HMGCL: variants seen among roughly 807,000 people sequenced by gnomAD.
The protein encoded by HMGCL is hydroxymethylglutaryl-CoA lyase, mitochondrial.
HMGCL carries 26 observed loss-of-function variants against 37.3 expected under a neutral mutation model. The ratio of observed to expected loss-of-function variants is 0.70; its 90% confidence interval spans 0.51 to 0.97. The LOEUF (loss-of-function observed/expected upper bound fraction) is 0.97, where lower values mean the gene tolerates loss of function less well. HMGCL is among the 50% of genes least tolerant of loss of function. The pLI is 0.00. For synonymous variants in HMGCL, 151 were observed against 148.0 expected (o/e 1.02, Z -0.15); for missense variants, 379 against 398.1 (o/e 0.95, Z 0.41).
chr1:23,804,480 A>G lies in HMGCL; in HGVS notation c.796T>C (p.Cys266Arg), dbSNP rs757884073. The G allele has an allele frequency of 3.1e-6, 5 of 1,613,982 alleles. No individual in the cohort carries two copies. The highest frequency in any genetic ancestry group is 1.3e-5 in the African/African-American group (1 of 74,926). ...VDSSVAGLGG[C>R]PYAQGASGNL... ...CCTGATGCCCCCTGTGCGTAGGGAC[A>G]GCCTCCAAGTCCTGCCACAGAAGAG... The change falls in exon 8 of 9, where the codon TGT becomes CGT. Residue 266 changes from cysteine (C) to arginine (R), a missense_variant. Physicochemically the swap from Cys to Arg is radical, Grantham distance 180. Transcript: ENST00000374490.
In HMGCL at chr1:23,818,180, C is replaced by A. The variant is rs75945713; in HGVS notation, c.145-597G>T. 6.7e-3 allele frequency among the ~76,000 whole-genome samples: 1,024 copies of A among 152,292 alleles called. 9 individuals carry two copies. The highest frequency in any genetic ancestry group is 0.023 in the African/African-American group (947 of 41,562). Reference sequence around the variant, plus strand: ...AAATTCTAAGAACTCCAGGTCCAGGCGGACACATTGGCTCACGCCTGTAAT... The same window carrying A: ...AAATTCTAAGAACTCCAGGTCCAGGAGGACACATTGGCTCACGCCTGTAAT... On this transcript the variant is annotated intron_variant, in intron 2 of 8. Coordinates refer to ENST00000374490, the MANE Select transcript of HMGCL (RefSeq NM_000191.3).
chr1:23,807,292 A>C lies in HMGCL; in HGVS notation c.750+843T>G, dbSNP rs772101989. The C allele has an allele frequency of 9.7e-6, 5 of 516,256 alleles. No homozygotes were observed. The Admixed American group carries it at 9.7e-5, about 10-fold the overall frequency. The allele number at this position is 516,256 out of a possible 1,614,324, so 32.0% of individuals were successfully genotyped here. On this transcript the variant is annotated intron_variant, in intron 7 of 8. Coordinates refer to ENST00000374490, the MANE Select transcript of HMGCL (RefSeq NM_000191.3). ...GGCAGGGTATCACAGTAAGCTGAAA[A>C]ATGAGGAGACCACAGAACTACGAAC...
At chr1:23,823,791 A>G (rs912323200) in intron 1 of HMGCL, among the ~76,000 whole-genome samples, 19 of 151,716 alleles carry the variant, frequency 1.3e-4, no homozygotes, top group Non-Finnish European at 2.5e-4. Flanking sequence ...CCTGGGAGGC[A>G]GAGGTTGCAG....
chr1:23,808,752 T>C (rs1322459049), intron 6 of HMGCL, among the ~76,000 whole-genome samples: 4 of 148,966 alleles, frequency 2.7e-5, no homozygotes, highest in East Asian at 2.0e-4. Flanking sequence ...CTTTTTTTTT[T>C]TTTTTTTTTG....
In HMGCL at chr1:23,806,985, G is replaced by T. The variant is rs751111412; in HGVS notation, c.750+1150C>A. On this transcript the variant is annotated intron_variant, in intron 7 of 8. Coordinates refer to ENST00000374490, the MANE Select transcript of HMGCL (RefSeq NM_000191.3). The surrounding 1 kb of genome is among the most constrained non-coding windows in gnomAD (Gnocchi z 4.0). ...GATCCATATTTCCGAAGTAACTGATGGAAGAGGGAGGTCAGAGGAAGCTAC... is the reference window on the plus strand; with the variant it reads ...GATCCATATTTCCGAAGTAACTGATTGAAGAGGGAGGTCAGAGGAAGCTAC... 3 of 518,972 alleles carry T rather than the reference G, an allele frequency of 5.8e-6. No individual in the cohort carries two copies. The Admixed American group carries it at 5.8e-5, about 10-fold the overall frequency. 32.1% of individuals were successfully genotyped at this position (518,972 alleles called of 1,614,324 possible).
In HMGCL at chr1:23,822,147, A is replaced by T. The variant is rs115583128; in HGVS notation, c.61-1554T>A. ...TTAAAGTTATTAAAATAACACATAA[A>T]CCATGAAGGACACAGCTGTCCCAGA... is the stretch of plus-strand genomic sequence containing the variant. On this transcript the variant is annotated intron_variant, in intron 1 of 8. Transcript: ENST00000374490. Among the ~76,000 whole-genome samples the T allele has an allele frequency of 2.0e-3, 302 of 152,244 alleles. 1 individual carries two copies. Among genetic ancestry groups the T allele is most frequent in the African/African-American group, 7.0e-3 (291 of 41,526 alleles).
At chr1:23,823,426 C>T (rs1276593097) in intron 1 of HMGCL, among the ~76,000 whole-genome samples, 1 of 151,886 alleles carries the variant, frequency 6.6e-6, no homozygotes, top group East Asian at 1.9e-4. Flanking sequence ...GATCTTGGCT[C>T]ACTGCAACCT....
chr1:23,809,211 A>G (rs896074586), intron 6 of HMGCL: 2 of 127,124 alleles, frequency 1.6e-5, no homozygotes, highest in African/African-American at 6.0e-5. Context: ...CGGCCAATCA[A>G]TAGTCCATAT....
chr1:23,815,908 T>C (rs1638603600), intron 4 of HMGCL, among the ~76,000 whole-genome samples: 1 of 150,940 alleles, frequency 6.6e-6, no homozygotes, highest in Admixed American at 6.6e-5. Flanking sequence ...ATCACCACCC[T>C]GGAAGTCACT....
Position 23,816,674 on chromosome 1 carries a change from C to G in HMGCL, c.348+1G>C, listed in dbSNP as rs1322650779. The G allele has an allele frequency of 6.3e-7, 1 of 1,586,892 alleles. No individual in the cohort carries two copies. The highest frequency in any genetic ancestry group is 1.7e-5 in the Admixed American group (1 of 59,980). On this transcript the variant is annotated splice_donor_variant, in intron 4 of 8. Coordinates refer to ENST00000374490, the MANE Select transcript of HMGCL (RefSeq NM_000191.3). LOFTEE classifies it high-confidence loss of function. ...CCCCCACCAACAAGCTATCCTCTTA[C>G]CGCTGCCTCGAAGCCTTTCAAATTT...
At chr1:23,811,494 G>T (rs1311232470) in intron 5 of HMGCL, among the ~76,000 whole-genome samples, 2 of 152,328 alleles carry the variant, frequency 1.3e-5, no homozygotes, top group East Asian at 3.9e-4. Context: ...GGAAATGATA[G>T]GAACAAGTGG....
intron 7 of HMGCL, chr1:23,807,404 T>C (rs961272603): frequency 1.4e-5 from 5 of 358,158 alleles, no homozygotes; most frequent in African/African-American, 4.3e-5. Flanking sequence ...TAGGGGATAA[T>C]TGAGAGGAAA....
chr1:23,802,409 C>CG lies in HMGCL; in HGVS notation c.*53_*54insC. On this transcript the variant is annotated 3_prime_UTR_variant, in exon 9 of 9. Coordinates refer to ENST00000374490, the MANE Select transcript of HMGCL (RefSeq NM_000191.3). ...TTCCATGTCCCCATCCATGAATCAT[C>CG]TGTGTGTGCCCCTATTTCCACATCA... 1 of 1,042,790 alleles carries CG rather than the reference C, an allele frequency of 9.6e-7. No homozygotes were observed. The highest frequency in any genetic ancestry group is 1.5e-6 in the Non-Finnish European group (1 of 658,026). 64.6% of individuals were successfully genotyped at this position (1,042,790 alleles called of 1,614,324 possible).
chr1:23,817,462 G>C lies in HMGCL; in HGVS notation c.252+14C>G. The C allele has an allele frequency of 1.4e-6, 2 of 1,477,258 alleles. No individual in the cohort carries two copies. Among genetic ancestry groups the C allele is most frequent in the South Asian group, 2.3e-5 (2 of 88,256 alleles). The allele number at this position is 1,477,258 out of a possible 1,614,324, so 91.5% of individuals were successfully genotyped here. On this transcript the variant is annotated intron_variant, in intron 3 of 8. Coordinates refer to ENST00000374490, the MANE Select transcript of HMGCL (RefSeq NM_000191.3). ...TCCCTAGAGAAAGGCCTTTCATTGA[G>C]GGCTAGGGCTCACCTGGGGAACCCA... is the stretch of plus-strand genomic sequence containing the variant.
chr1:23,817,211 T>A (rs1638628191), intron 3 of HMGCL, among the ~76,000 whole-genome samples: 1 of 152,194 alleles, frequency 6.6e-6, no homozygotes, highest in African/African-American at 2.4e-5. Flanking sequence ...TTTTAGACTT[T>A]AGGGCTAGAA....
At position 23,806,191 on chromosome 1, in the gene HMGCL, G is replaced by A. The variant is rs554998038; in HGVS notation, c.751-1666C>T. On this transcript the variant is annotated intron_variant, in intron 7 of 8. Coordinates refer to ENST00000374490, the MANE Select transcript of HMGCL (RefSeq NM_000191.3). The surrounding 1 kb of genome is among the most constrained non-coding windows in gnomAD (Gnocchi z 4.0). ...GGTCTCAAAACTCCTGACCTCAAGT[G>A]ATCCACCTGCCTCAGCCTCCCAAAG... Among the ~76,000 whole-genome samples the A allele has an allele frequency of 6.6e-6, 1 of 152,222 alleles. No individual in the cohort carries two copies. The highest frequency in any genetic ancestry group is 1.9e-4 in the East Asian group (1 of 5,168).
Position 23,820,515 on chromosome 1 carries a change from C to T in HMGCL, c.139G>A (p.Glu47Lys), listed in dbSNP as rs934607134. The stretch of plus-strand genomic sequence containing the variant: ...TGGCTCATTTCCAACTTTACCTTTT[C>T]ATTTTGTAGTCCATCTCGGGGACCA... Reference protein sequence around the residue: ...EVGPRDGLQNEKNIVSTPVKI... With the variant: ...EVGPRDGLQNKKNIVSTPVKI... Residue 47 changes from glutamate to lysine, a missense_variant, in exon 2 of 9, where the codon GAA (glutamate) becomes AAA (lysine). By Grantham distance (56) the Glu-to-Lys change is moderately conservative (BLOSUM62 1). Transcript: ENST00000374490. The T allele has an allele frequency of 5.0e-6, 8 of 1,612,480 alleles. No homozygotes were observed. Among genetic ancestry groups the T allele is most frequent in the African/African-American group, 2.7e-5 (2 of 74,890 alleles).
chr1:23,808,407 G>T, intron 6 of HMGCL, 84 bp from the exon 7 acceptor site: 3 of 1,123,206 alleles, frequency 2.7e-6, no homozygotes, highest in Non-Finnish European at 4.1e-6. Flanking sequence ...CCTTTGCCTG[G>T]GCAGAACACT....
rs537829756 is a variant in HMGCL, at chr1:23,807,026, A to G, written c.750+1109T>C. On this transcript the variant is annotated intron_variant, in intron 7 of 8. Coordinates refer to ENST00000374490, the MANE Select transcript of HMGCL (RefSeq NM_000191.3). Reference sequence around the variant, plus strand: ...AGGAAGCTACTGCCAGACGTCACACAGCTCAACCTGTTCCCTGATAAATTT... The same window carrying G: ...AGGAAGCTACTGCCAGACGTCACACGGCTCAACCTGTTCCCTGATAAATTT... 15 of 519,030 alleles carry G rather than the reference A, an allele frequency of 2.9e-5. No homozygotes were observed. The East Asian group carries it at 7.6e-4, about 26-fold the overall frequency. 32.2% of individuals were successfully genotyped at this position (519,030 alleles called of 1,614,324 possible).
Sources: gnomAD v4.1 joint callset for allele counts (sites outside exome capture counted in the v4.1 genomes callset) on GRCh38, gnomAD v4.1.1 for gene constraint, Gnocchi (gnomAD v3.1) non-coding constraint, MANE v1.5 for transcripts, NCBI Gene and HGNC (gene_info 2026-07-23, HGNC 2026-07-21) for gene names.